Variants in HCN1 observed in about 807,000 individuals in gnomAD.
The protein encoded by HCN1 is hyperpolarization activated cyclic nucleotide gated potassium channel 1.
HCN1 carries 13 observed loss-of-function variants against 78.9 expected under a neutral mutation model. The observed-to-expected ratio is 0.16, with a 90% confidence interval of 0.11 to 0.26. The LOEUF is 0.26. HCN1 is among the 10% of genes least tolerant of loss of function. HCN1 has a pLI of 1.00. For synonymous variants in HCN1, 552 were observed against 455.5 expected (o/e 1.21, Z -2.70); for missense variants, 810 against 1,154.3 (o/e 0.70, Z 4.32).
At chr5:45,561,528 C>A (rs192182826) in intron 2 of HCN1, among the ~76,000 whole-genome samples, 20 of 151,720 alleles carry the variant, frequency 1.3e-4, no homozygotes, top group African/African-American at 4.8e-4. Flanking sequence ...AGATAAAATA[C>A]CTAATTTTAT....
Position 45,257,590 on chromosome 5 carries a change from C to A in HCN1, c.*4331G>T, listed in dbSNP as rs1008686078. 1 of 152,156 alleles carries A rather than the reference C, an allele frequency of 6.6e-6. No individual in the cohort carries two copies. The highest frequency in any genetic ancestry group is 1.5e-5 in the Non-Finnish European group (1 of 68,000). The allele number at this position is 152,156 out of a possible 1,614,324, so 9.4% of individuals were successfully genotyped here. The stretch of plus-strand genomic sequence containing the variant: ...AATCTCCATTTGTCCCTGTCAAAGC[C>A]TGAATTGGAAGCAGGGTCAGCATTA... On this transcript the variant is annotated 3_prime_UTR_variant, in exon 8 of 8. Transcript: ENST00000303230.
intron 2 of HCN1, among the ~76,000 whole-genome samples, chr5:45,541,109 G>T (rs995181047): frequency 5.4e-4 from 82 of 152,196 alleles, no homozygotes; most frequent in African/African-American, 1.6e-3. Flanking sequence ...CTAAACTATT[G>T]CCCTATTACA....
chr5:45,659,656 T>C (rs1745879496), intron 1 of HCN1, among the ~76,000 whole-genome samples: 1 of 141,958 alleles, frequency 7.0e-6, no homozygotes, highest in Non-Finnish European at 1.5e-5. Flanking sequence ...ACGTGAAGAA[T>C]GCAGAAGCCT....
intron 6 of HCN1, among the ~76,000 whole-genome samples, chr5:45,277,305 G>C (rs1000395480): frequency 6.6e-6 from 1 of 151,970 alleles, no homozygotes; most frequent in African/African-American, 2.4e-5. Flanking sequence ...TTTTAGTAAA[G>C]AATTGTAAAG....
rs1014084221 is a variant in HCN1 at position 45,681,556 on chromosome 5, T to TA, written c.425+14112dup. On this transcript the variant is annotated intron_variant, in intron 1 of 7. Coordinates refer to ENST00000303230, the MANE Select transcript of HCN1 (RefSeq NM_021072.4). ...TTCACTGTAAATTTGGTAAACACGA[T>TA]AAAAAAAAAATCCTGGTCACCAAAA... Among the ~76,000 whole-genome samples the TA allele has an allele frequency of 9.5e-4, 141 of 148,792 alleles. 1 individual carries two copies. The highest frequency in any genetic ancestry group is 3.2e-3 in the Admixed American group (48 of 14,890).
chr5:45,612,177 T>C (rs1264760922), intron 2 of HCN1, among the ~76,000 whole-genome samples: 1 of 152,210 alleles, frequency 6.6e-6, no homozygotes, highest in African/African-American at 2.4e-5. Context: ...CTTGATTTAA[T>C]TTTCTCAATT....
At chr5:45,442,742 G>C (rs1228641099) in intron 3 of HCN1, among the ~76,000 whole-genome samples, 1 of 152,028 alleles carries the variant, frequency 6.6e-6, no homozygotes, top group Non-Finnish European at 1.5e-5. Context: ...TCCTTGGACA[G>C]AGTATGCTTT....
At chr5:45,515,895 T>G (rs543669064) in intron 2 of HCN1, among the ~76,000 whole-genome samples, 7 of 151,982 alleles carry the variant, frequency 4.6e-5, no homozygotes, top group Admixed American at 1.3e-4. Flanking sequence ...AATGCTGTAT[T>G]AAATCTACCA....
At chr5:45,511,162 G>A (rs531555791) in intron 2 of HCN1, among the ~76,000 whole-genome samples, 1 of 151,808 alleles carries the variant, frequency 6.6e-6, no homozygotes, top group Non-Finnish European at 1.5e-5. Context: ...AATGAAACAA[G>A]TTAAGAAACA....
chr5:45,388,499 G>A (rs765159963), intron 4 of HCN1, among the ~76,000 whole-genome samples: 1 of 152,122 alleles, frequency 6.6e-6, no homozygotes, highest in Non-Finnish European at 1.5e-5. Context: ...CTCTGGACCG[G>A]TAGCAGCAGC....
chr5:45,368,319 T>A (rs1355692784), intron 4 of HCN1, among the ~76,000 whole-genome samples: 1 of 152,000 alleles, frequency 6.6e-6, no homozygotes, highest in Non-Finnish European at 1.5e-5. Flanking sequence ...AATGAACATT[T>A]TCTTAGTCAG....
At chr5:45,313,839 CA>C (rs1403434846) in intron 5 of HCN1, among the ~76,000 whole-genome samples, 33 of 152,246 alleles carry the variant, frequency 2.2e-4, no homozygotes, top group Non-Finnish European at 5.9e-5. Flanking sequence ...AAGAAATGAA[CA>C]AAGCCTCCAA....
At chr5:45,608,764 TTAA>T (rs1419502892) in intron 2 of HCN1, among the ~76,000 whole-genome samples, 2 of 151,866 alleles carry the variant, frequency 1.3e-5, no homozygotes, top group Non-Finnish European at 2.9e-5. Flanking sequence ...ATGGAAAATA[TTAA>T]TAAACTGACT....
chr5:45,544,798 C>T (rs962721574), intron 2 of HCN1, among the ~76,000 whole-genome samples: 4 of 152,138 alleles, frequency 2.6e-5, no homozygotes, highest in Non-Finnish European at 5.9e-5. Context: ...TTCATGACTG[C>T]ATAGTATTCC....
chr5:45,661,835 TC>T (rs1471313462), intron 1 of HCN1, among the ~76,000 whole-genome samples: 1 of 4,560 alleles, frequency 2.2e-4, no homozygotes, highest in African/African-American at 1.2e-3. Flanking sequence ...CCAAAAAGAG[TC>T]CAGGACCAGA....
intron 3 of HCN1, among the ~76,000 whole-genome samples, chr5:45,398,571 A>G (rs960312301): frequency 2.6e-5 from 4 of 152,160 alleles, no homozygotes; most frequent in Admixed American, 2.6e-4. Flanking sequence ...TATTGAATTG[A>G]ATGTTAAATT....
intron 5 of HCN1, among the ~76,000 whole-genome samples, chr5:45,330,672 C>A (rs1300535695): frequency 6.6e-6 from 1 of 150,786 alleles, no homozygotes; most frequent in Non-Finnish European, 1.5e-5. Flanking sequence ...TTTTCTTTTT[C>A]AGTGAGATAG....
At chr5:45,692,641 T>C (rs936637320) in intron 1 of HCN1, among the ~76,000 whole-genome samples, 1 of 152,120 alleles carries the variant, frequency 6.6e-6, no homozygotes, top group Admixed American at 6.5e-5. Flanking sequence ...AACTCTGCCC[T>C]ACTTACGCCA....
intron 6 of HCN1, among the ~76,000 whole-genome samples, chr5:45,280,308 A>C (rs1745132970): frequency 6.6e-6 from 1 of 152,206 alleles, no homozygotes; most frequent in Non-Finnish European, 1.5e-5. Context: ...AGAATGAAGG[A>C]AGACTTGAAA....
Sources: gnomAD v4.1 joint callset for allele counts (sites outside exome capture counted in the v4.1 genomes callset) on GRCh38, gnomAD v4.1.1 for gene constraint, MANE v1.5 for transcripts, NCBI Gene and HGNC (gene_info 2026-07-23, HGNC 2026-07-21) for gene names.